The following GRAMD2A variants were observed in gnomAD, a reference collection of about 807,000 sequenced individuals.
The protein encoded by GRAMD2A is GRAM domain-containing protein 2A.
A neutral mutation model predicts 51.1 loss-of-function variants in GRAMD2A; 37 were observed. That is an observed-to-expected ratio of 0.72 (90% confidence interval 0.56 to 0.95). The LOEUF (loss-of-function observed/expected upper bound fraction) is 0.95. Among genes scored for constraint, GRAMD2A ranks in the 40% least tolerant of loss-of-function variants. The pLI is 0.00. For missense variants in GRAMD2A, 414 were observed against 426.9 expected (o/e 0.97, Z 0.27); for synonymous variants, 136 against 157.1 (o/e 0.87, Z 1.01).
chr15:72,174,741 G>A (rs1314491233), intron 1 of GRAMD2A, among the ~76,000 whole-genome samples: 1 of 152,168 alleles, frequency 6.6e-6, no homozygotes, highest in Non-Finnish European at 1.5e-5. Context: ...CATGAGGCAG[G>A]TAGGGAGCTC....
In GRAMD2A at chr15:72,169,878, G is replaced by T. The variant is rs192255193; in HGVS notation, c.103C>A (p.Pro35Thr). Residue 35 changes from proline (P) to threonine (T), a missense_variant, in exon 2 of 12, where the codon CCA becomes ACA. Physicochemically the swap from Pro to Thr is conservative, Grantham distance 38. Transcript: ENST00000309731. Reference protein sequence around the residue: ...LNSPVSCKEKPDRVEEPPDYS... With the variant: ...LNSPVSCKEKTDRVEEPPDYS... ...TCCGGGGGCTCCTCAACTCTGTCTG[G>T]TTTCTCTTTGCAGGACACAGGACTG... 1.6e-5 allele frequency: 26 copies of T among 1,614,132 alleles called. No individual in the cohort carries two copies. In the East Asian group the frequency reaches 4.9e-4, roughly 30 times the overall value.
chr15:72,178,251 A>C (rs1195398502), intron 1 of GRAMD2A, among the ~76,000 whole-genome samples: 6 of 152,172 alleles, frequency 3.9e-5, no homozygotes, highest in African/African-American at 1.4e-4. Context: ...CCCACTGTCA[A>C]TAAGCTTTCC....
chr15:72,186,763 A>G (rs574908686), intron 1 of GRAMD2A, among the ~76,000 whole-genome samples: 1 of 152,324 alleles, frequency 6.6e-6, no homozygotes, highest in South Asian at 2.1e-4. Flanking sequence ...TATCAGTATA[A>G]TGGATTCCTA....
At position 72,162,512 on chromosome 15, in the gene GRAMD2A, T is replaced by A. The variant is rs867345857; in HGVS notation, c.957-135A>T. On this transcript the variant is annotated intron_variant, in intron 10 of 11. Coordinates refer to ENST00000309731, the MANE Select transcript of GRAMD2A (RefSeq NM_001012642.3). Reference sequence around the variant, plus strand: ...AAGAGCCCTTTGTCCTGCAGCCAGTTCAGGCCTCAGCATCTTTCTTCCCAG... The same window carrying A: ...AAGAGCCCTTTGTCCTGCAGCCAGTACAGGCCTCAGCATCTTTCTTCCCAG... 3.3e-5 allele frequency: 21 copies of A among 628,214 alleles called. No homozygotes were observed. The Middle Eastern group carries it at 8.7e-4, about 26-fold the overall frequency. The allele number at this position is 628,214 out of a possible 1,614,324, so 38.9% of individuals were successfully genotyped here.
intron 1 of GRAMD2A, among the ~76,000 whole-genome samples, chr15:72,193,730 G>C (rs2081785534): frequency 6.6e-6 from 1 of 150,464 alleles, no homozygotes; most frequent in Admixed American, 6.6e-5. Context: ...GTTTCGCCCT[G>C]TTAGCCAGGA....
At chr15:72,182,454 C>G (rs2081704147) in intron 1 of GRAMD2A, among the ~76,000 whole-genome samples, 1 of 149,954 alleles carries the variant, frequency 6.7e-6, no homozygotes, top group South Asian at 2.1e-4. Context: ...ACCTATCAGG[C>G]AATGATCTCT....
At chr15:72,183,285 G>A (rs1009860196) in intron 1 of GRAMD2A, among the ~76,000 whole-genome samples, 2 of 148,886 alleles carry the variant, frequency 1.3e-5, no homozygotes, top group African/African-American at 5.0e-5. Context: ...TGGGAGCCGA[G>A]GTGGGCAGAT....
intron 1 of GRAMD2A, among the ~76,000 whole-genome samples, chr15:72,173,186 AATAC>A (rs1420457597): frequency 5.9e-5 from 9 of 152,202 alleles, no homozygotes; most frequent in African/African-American, 1.9e-4. Context: ...TGGGAACTGA[AATAC>A]AGTGGGGTTC....
chr15:72,190,459 T>A (rs1208240913), intron 1 of GRAMD2A, among the ~76,000 whole-genome samples: 1 of 152,184 alleles, frequency 6.6e-6, no homozygotes, highest in African/African-American at 2.4e-5. Context: ...ACCTTTGTCC[T>A]CATGTTCCTT....
chr15:72,184,728 C>G (rs543004104), intron 1 of GRAMD2A, among the ~76,000 whole-genome samples: 1 of 152,218 alleles, frequency 6.6e-6, no homozygotes, highest in Non-Finnish European at 1.5e-5. Flanking sequence ...ACTGCGGGAA[C>G]GCTCCTTAGG....
chr15:72,190,193 G>A (rs2081758522), intron 1 of GRAMD2A, among the ~76,000 whole-genome samples: 2 of 151,992 alleles, frequency 1.3e-5, no homozygotes, highest in South Asian at 2.1e-4. Context: ...TGGCTAACAT[G>A]GTGAAACCCC....
intron 1 of GRAMD2A, among the ~76,000 whole-genome samples, chr15:72,187,797 TGTGA>T (rs1206436247): frequency 6.6e-6 from 1 of 152,212 alleles, no homozygotes; most frequent in African/African-American, 2.4e-5. Context: ...GGATTACAGG[TGTGA>T]GTGAGTCACT....
At chr15:72,172,418 CTT>C (rs775170780) in intron 1 of GRAMD2A, among the ~76,000 whole-genome samples, 21 of 137,960 alleles carry the variant, frequency 1.5e-4, no homozygotes, top group Non-Finnish European at 1.9e-4. Context: ...CATGCCTAGC[CTT>C]TTTTTTTTTT....
In GRAMD2A at chr15:72,167,111, C is replaced by A. The variant is rs372432030; in HGVS notation, c.373-19G>T. ...TGACCACCTGAGAGGGAGAGGGATG[C>A]TTCTCTCAGGACTAACCCCCAAGGA... On this transcript the variant is annotated intron_variant, in intron 5 of 11. Coordinates refer to ENST00000309731, the MANE Select transcript of GRAMD2A (RefSeq NM_001012642.3). 1.3e-6 allele frequency: 2 copies of A among 1,568,048 alleles called. No homozygotes were observed. Among genetic ancestry groups the A allele is most frequent in the Non-Finnish European group, 1.8e-6 (2 of 1,137,718 alleles).
At chr15:72,185,667 A>T (rs1242270755) in intron 1 of GRAMD2A, among the ~76,000 whole-genome samples, 1 of 152,278 alleles carries the variant, frequency 6.6e-6, no homozygotes, top group Non-Finnish European at 1.5e-5. Flanking sequence ...TAGGATAATT[A>T]AGTAGCGAAG....
rs1264394326 is a variant in GRAMD2A at position 72,163,705 on chromosome 15, G to T, written c.653C>A (p.Ser218Tyr). ...AGGGATGTTGTCTGGGAGAGACAGG[G>T]ACCTGGAGGAAGGGCATACCTTTCT... ...KWRKVCPSSRSLSLPDNIPCI... is the reference protein window; with the variant it reads ...KWRKVCPSSRYLSLPDNIPCI... Residue 218 changes from serine to tyrosine, a missense_variant, in exon 9 of 12, where the codon TCC becomes TAC. Physicochemically the swap from Ser to Tyr is moderately radical, Grantham distance 144. Transcript: ENST00000309731. 1 of 1,609,712 alleles carries T rather than the reference G, an allele frequency of 6.2e-7. No homozygotes were observed. The highest frequency in any genetic ancestry group is 8.5e-7 in the Non-Finnish European group (1 of 1,178,834).
At chr15:72,176,796 ACT>A (rs949231785) in intron 1 of GRAMD2A, among the ~76,000 whole-genome samples, 50 of 143,088 alleles carry the variant, frequency 3.5e-4, no homozygotes, top group African/African-American at 1.2e-3. Context: ...GGGAAAGGAC[ACT>A]CTCCTTTTAA....
intron 1 of GRAMD2A, among the ~76,000 whole-genome samples, chr15:72,177,099 C>T (rs2081659232): frequency 6.6e-6 from 1 of 151,290 alleles, no homozygotes; most frequent in Non-Finnish European, 1.5e-5. Flanking sequence ...TGGCCTCAAG[C>T]AATTCTCCCA....
intron 1 of GRAMD2A, among the ~76,000 whole-genome samples, chr15:72,181,466 C>A (rs545452359): frequency 1.3e-5 from 2 of 152,282 alleles, no homozygotes; most frequent in African/African-American, 4.8e-5. Flanking sequence ...CTCTCTCATC[C>A]TTTGTTATGT....
Sources: allele counts gnomAD v4.1 joint callset (sites outside exome capture counted in the v4.1 genomes callset), GRCh38; gene constraint gnomAD v4.1.1; transcripts MANE v1.5; gene names NCBI Gene and HGNC (gene_info 2026-07-23, HGNC 2026-07-21).